NME7: variants seen among roughly 807,000 people sequenced by gnomAD.
The protein encoded by NME7 is nucleoside diphosphate kinase 7.
A neutral mutation model predicts 49.1 loss-of-function variants in NME7; 41 were observed. That is an observed-to-expected ratio of 0.83 (90% CI 0.65 to 1.08). NME7 has a LOEUF of 1.08. Among genes scored for constraint, NME7 ranks in the 50% least tolerant of loss-of-function variants. The pLI is 0.00. For synonymous variants in NME7, 139 were observed against 150.6 expected (o/e 0.92, Z 0.56); for missense variants, 423 against 463.4 (o/e 0.91, Z 0.80).
chr1:169,206,745 G>A (rs1660684968), intron 10 of NME7, among the ~76,000 whole-genome samples: 1 of 130,718 alleles, frequency 7.7e-6, no homozygotes, highest in African/African-American at 2.6e-5. Context: ...TGTAGCAGCT[G>A]ATTTAATAAC....
At chr1:169,335,569 G>A (rs1202167063) in intron 1 of NME7, among the ~76,000 whole-genome samples, 1 of 151,686 alleles carries the variant, frequency 6.6e-6, no homozygotes, top group African/African-American at 2.4e-5. Flanking sequence ...GGGGATGAGG[G>A]AAGGGAACTT....
intron 10 of NME7, among the ~76,000 whole-genome samples, chr1:169,222,698 G>A (rs757631741): frequency 2.6e-5 from 4 of 152,042 alleles, no homozygotes; most frequent in Admixed American, 6.6e-5. Flanking sequence ...CATTTTCAGT[G>A]GAGCTGGCCT....
Position 169,305,115 on chromosome 1 carries a change from A to T in NME7, c.390-1920T>A, listed in dbSNP as rs535244601. Among the ~76,000 whole-genome samples the T allele has an allele frequency of 2.0e-4, 30 of 152,360 alleles. No individual in the cohort carries two copies. The South Asian group carries it at 5.8e-3, about 29-fold the overall frequency. On this transcript the variant is annotated intron_variant, in intron 4 of 11. Transcript: ENST00000367811. ...CCAACATGTCCCTGATTCCATAGTT[A>T]TCTCCATTCAAAATCTAAAATTGAA... is the stretch of plus-strand genomic sequence containing the variant.
At position 169,343,898 on chromosome 1, in the gene NME7, C is replaced by G. The variant is rs138384909; in HGVS notation, c.4-19398G>C. 3.9e-3 allele frequency among the ~76,000 whole-genome samples: 597 copies of G among 152,228 alleles called. 7 individuals are homozygous for G. Among genetic ancestry groups the G allele is most frequent in the Middle Eastern group, 0.017 (5 of 294 alleles). ...TTTAAAACACCTTGGCTAATCTGGG[C>G]CCTTCACATTTCCATATCAAATTTA... is the stretch of plus-strand genomic sequence containing the variant. On this transcript the variant is annotated intron_variant, in intron 1 of 11. Coordinates refer to ENST00000367811, the MANE Select transcript of NME7 (RefSeq NM_013330.5).
chr1:169,238,324 C>T (rs1260751459), intron 7 of NME7, among the ~76,000 whole-genome samples: 2 of 151,948 alleles, frequency 1.3e-5, no homozygotes, highest in African/African-American at 4.8e-5. Context: ...GGAATATAGT[C>T]TTTATCCTAC....
At chr1:169,144,379 C>T (rs1195511549) in intron 11 of NME7, among the ~76,000 whole-genome samples, 1 of 152,082 alleles carries the variant, frequency 6.6e-6, no homozygotes, top group Non-Finnish European at 1.5e-5. Flanking sequence ...ACAACATACA[C>T]ACTATTTCTT....
At chr1:169,359,999 G>A (rs1398668532) in intron 1 of NME7, among the ~76,000 whole-genome samples, 1 of 152,132 alleles carries the variant, frequency 6.6e-6, no homozygotes, top group African/African-American at 2.4e-5. Context: ...AGTTTAGGCA[G>A]TTTTTGAAAA....
chr1:169,342,556 T>A (rs1285053323), intron 1 of NME7, among the ~76,000 whole-genome samples: 1 of 112,558 alleles, frequency 8.9e-6, no homozygotes, highest in Non-Finnish European at 1.9e-5. Flanking sequence ...TATATATATA[T>A]ATACAAGTAC....
intron 7 of NME7, among the ~76,000 whole-genome samples, chr1:169,246,476 A>G (rs902216785): frequency 4.6e-5 from 7 of 152,228 alleles, no homozygotes; most frequent in Admixed American, 1.3e-4. Flanking sequence ...AATTCATCCA[A>G]TAGATTTCTG....
chr1:169,224,096 A>T (rs1350181915), intron 10 of NME7, among the ~76,000 whole-genome samples: 2 of 152,156 alleles, frequency 1.3e-5, no homozygotes, highest in Non-Finnish European at 2.9e-5. Context: ...CATCTCACAC[A>T]GGCTTCAATA....
intron 11 of NME7, among the ~76,000 whole-genome samples, chr1:169,157,160 C>A (rs1226058822): frequency 6.6e-6 from 1 of 152,168 alleles, no homozygotes; most frequent in Non-Finnish European, 1.5e-5. Flanking sequence ...GGGGCTCACT[C>A]TCATCAGGTC....
chr1:169,169,034 G>C (rs763737122), intron 11 of NME7: 5 of 436,366 alleles, frequency 1.1e-5, no homozygotes, highest in Non-Finnish European at 2.2e-5. Flanking sequence ...AAATTTCACA[G>C]AATTTAATTA....
chr1:169,289,165 CTT>C (rs1191844765), intron 6 of NME7, among the ~76,000 whole-genome samples: 1 of 152,114 alleles, frequency 6.6e-6, no homozygotes, highest in African/African-American at 2.4e-5. Context: ...CAGCCCTCAC[CTT>C]ACCTGACCAA....
At chr1:169,276,877 G>A (rs1016911928) in intron 7 of NME7, among the ~76,000 whole-genome samples, 1 of 147,842 alleles carries the variant, frequency 6.8e-6, no homozygotes, top group East Asian at 2.0e-4. Flanking sequence ...CAGAGATTCT[G>A]GTATGTTGTC....
chr1:169,367,736 A>AT lies in NME7; in HGVS notation c.-27dup. On this transcript the variant is annotated 5_prime_UTR_variant, in exon 1 of 12. It introduces an in-frame stop codon into an upstream open reading frame of the 5' UTR. Coordinates refer to ENST00000367811, the MANE Select transcript of NME7 (RefSeq NM_013330.5). ...TGTCTCAGGATCTCAGCACTAGAAA[A>AT]TAGGTATCGTTGAGACAGGAAGACA... is the stretch of plus-strand genomic sequence containing the variant. The AT allele has an allele frequency of 6.2e-7, 1 of 1,614,030 alleles. No homozygotes were observed. Among genetic ancestry groups the AT allele is most frequent in the East Asian group, 2.2e-5 (1 of 44,874 alleles).
chr1:169,252,229 C>T (rs375817640), intron 7 of NME7, among the ~76,000 whole-genome samples: 36,869 of 151,052 alleles, frequency 0.24, 5,417 homozygotes, highest in Non-Finnish European at 0.34. Flanking sequence ...CCTGTTGTTT[C>T]CTGACTTTTT....
At chr1:169,203,034 G>A (rs1269248643) in intron 10 of NME7, among the ~76,000 whole-genome samples, 2 of 152,138 alleles carry the variant, frequency 1.3e-5, no homozygotes, top group Non-Finnish European at 2.9e-5. Context: ...GCAGGCACAG[G>A]TAAGGGAACT....
chr1:169,362,483 G>A (rs755760871), intron 1 of NME7, among the ~76,000 whole-genome samples: 13 of 152,176 alleles, frequency 8.5e-5, no homozygotes, highest in Non-Finnish European at 1.8e-4. Flanking sequence ...TAAATGAGGT[G>A]TATGAGAAAC....
chr1:169,150,442 TG>T, intron 11 of NME7, among the ~76,000 whole-genome samples: 1 of 152,288 alleles, frequency 6.6e-6, no homozygotes. Flanking sequence ...TTCTCCATTA[TG>T]ATAAAAGATC....
Sources: gnomAD v4.1 joint callset for allele counts (sites outside exome capture counted in the v4.1 genomes callset) on GRCh38, gnomAD v4.1.1 for gene constraint, MANE v1.5 for transcripts, NCBI Gene and HGNC (gene_info 2026-07-23, HGNC 2026-07-21) for gene names.